The following ROR1 variants were observed in gnomAD, a reference collection of about 807,000 sequenced individuals.
ROR1 encodes the protein inactive tyrosine-protein kinase transmembrane receptor ROR1.
Under a neutral mutation model 78.8 loss-of-function variants are expected in ROR1, and 19 were observed. That is an observed-to-expected ratio of 0.24 (90% CI 0.17 to 0.35). The LOEUF (loss-of-function observed/expected upper bound fraction) is 0.35, where lower values mean the gene tolerates loss of function less well. Among genes scored for constraint, ROR1 ranks in the 10% least tolerant of loss-of-function variants. The pLI, the probability that ROR1 is intolerant of heterozygous loss-of-function variation, is 1.00. For synonymous variants in ROR1, 386 were observed against 433.6 expected (o/e 0.89, Z 1.36); for missense variants, 917 against 1,177.8 (o/e 0.78, Z 3.24).
chr1:64,049,994 C>G lies in ROR1; in HGVS notation c.451+16C>G, dbSNP rs763724929. On this transcript the variant is annotated intron_variant, in intron 3 of 8. Transcript: ENST00000371079. ...GTCAAGTTTGGTAAGCAGACCCCTA[C>G]TGGGGATGGACTTTGGCCCTCAGCC... 2 of 1,613,280 alleles carry G rather than the reference C, an allele frequency of 1.2e-6. No homozygotes were observed. Among genetic ancestry groups the G allele is most frequent in the Non-Finnish European group, 1.7e-6 (2 of 1,179,642 alleles).
intron 4 of ROR1, among the ~76,000 whole-genome samples, chr1:64,129,116 G>A (rs1393980155): frequency 6.6e-6 from 1 of 152,134 alleles, no homozygotes; most frequent in Non-Finnish European, 1.5e-5. Context: ...TTTTTACGGA[G>A]GCCAGTAGTC....
chr1:63,815,421 C>T (rs1362727479), intron 1 of ROR1, among the ~76,000 whole-genome samples: 1 of 149,468 alleles, frequency 6.7e-6, no homozygotes, highest in Non-Finnish European at 1.5e-5. Context: ...GGAAAGAATG[C>T]CTGCCCTTAT....
At chr1:63,924,706 G>A (rs951526664) in intron 1 of ROR1, among the ~76,000 whole-genome samples, 2 of 152,138 alleles carry the variant, frequency 1.3e-5, no homozygotes, top group Admixed American at 6.5e-5. Flanking sequence ...AGTGAAGACT[G>A]GCACTGAGTG....
chr1:64,115,932 T>C (rs1405163154), intron 4 of ROR1, among the ~76,000 whole-genome samples: 4 of 152,200 alleles, frequency 2.6e-5, no homozygotes, highest in Admixed American at 6.5e-5. Context: ...TGCCAATAAA[T>C]GGTCAACATG....
At chr1:64,168,398 G>A (rs1650145599) in intron 8 of ROR1, among the ~76,000 whole-genome samples, 1 of 152,186 alleles carries the variant, frequency 6.6e-6, no homozygotes, top group South Asian at 2.1e-4. Flanking sequence ...GGATCTCAGT[G>A]TCTGGCACAT....
intron 1 of ROR1, among the ~76,000 whole-genome samples, chr1:63,971,691 T>C (rs1646120762): frequency 6.6e-6 from 1 of 152,178 alleles, no homozygotes; most frequent in African/African-American, 2.4e-5. Context: ...AGCCCTTCAT[T>C]GTCTACAATC....
Position 64,178,538 on chromosome 1 carries a change from G to T in ROR1, c.2497G>T (p.Ala833Ser), listed in dbSNP as rs145004562. 13 of 1,614,042 alleles carry T rather than the reference G, an allele frequency of 8.1e-6. No homozygotes were observed. In the African/African-American group the frequency reaches 1.7e-4, roughly 22 times the overall value. ...PIPPGYAAFP[A>S]AHYQPTGPPR... ...ACCTCCTGGATATGCAGCGTTTCCA[G>T]CTGCCCACTACCAGCCAACAGGTCC... The change falls in exon 9 of 9, where the codon GCT (alanine) becomes TCT (serine). Residue 833 changes from alanine (A) to serine (S), a missense_variant. Coordinates refer to ENST00000371079, the MANE Select transcript of ROR1 (RefSeq NM_005012.4). The surrounding 1 kb of genome is among the most constrained non-coding windows in gnomAD (Gnocchi z 4.3).
chr1:63,785,938 G>A (rs1644682265), intron 1 of ROR1, among the ~76,000 whole-genome samples: 1 of 152,212 alleles, frequency 6.6e-6, no homozygotes, highest in South Asian at 2.1e-4. Flanking sequence ...CTAAGTCAAA[G>A]CATTGAAAAC....
intron 1 of ROR1, among the ~76,000 whole-genome samples, chr1:63,894,937 G>A (rs2100394337): frequency 6.6e-6 from 1 of 152,242 alleles, no homozygotes; most frequent in East Asian, 1.9e-4. Context: ...CAGAGGTGTG[G>A]GAAATCCTAC....
chr1:64,085,896 T>C (rs921508613), intron 4 of ROR1, among the ~76,000 whole-genome samples: 4 of 152,212 alleles, frequency 2.6e-5, no homozygotes, highest in African/African-American at 9.7e-5. Context: ...TGTCGATTTC[T>C]GAATGTGGCA....
chr1:63,815,345 A>C (rs1406147031), intron 1 of ROR1, among the ~76,000 whole-genome samples: 1 of 151,976 alleles, frequency 6.6e-6, no homozygotes, highest in Non-Finnish European at 1.5e-5. Context: ...TGGATAAGCA[A>C]TTCTGTTGTT....
chr1:64,090,918 T>C (rs1310900459), intron 4 of ROR1, among the ~76,000 whole-genome samples: 1 of 152,206 alleles, frequency 6.6e-6, no homozygotes, highest in African/African-American at 2.4e-5. Context: ...CATGGGCCTA[T>C]TGTCATCATG....
intron 4 of ROR1, among the ~76,000 whole-genome samples, chr1:64,133,884 A>G (rs1466516538): frequency 6.6e-6 from 1 of 152,220 alleles, no homozygotes; most frequent in East Asian, 1.9e-4. Flanking sequence ...AAGCTGATTA[A>G]TGCTGGAGGA....
chr1:64,177,336 C>A, intron 8 of ROR1, 92 bp from the exon 9 acceptor site: 2 of 939,250 alleles, frequency 2.1e-6, no homozygotes, highest in Non-Finnish European at 3.3e-6. Context: ...TTTATAGAAC[C>A]TTTTTCTATA....
At chr1:63,888,128 T>TA (rs1645369781) in intron 1 of ROR1, among the ~76,000 whole-genome samples, 4 of 152,308 alleles carry the variant, frequency 2.6e-5, no homozygotes, top group Admixed American at 2.6e-4. Context: ...ATTATTATTT[T>TA]AAAAGCAGTA....
chr1:63,950,236 AG>A (rs1423777603), intron 1 of ROR1, among the ~76,000 whole-genome samples: 6 of 152,214 alleles, frequency 3.9e-5, no homozygotes, highest in Non-Finnish European at 8.8e-5. Context: ...AAGGAATAAA[AG>A]AATGACCACT....
At chr1:64,063,636 C>T (rs1646934202) in intron 4 of ROR1, among the ~76,000 whole-genome samples, 1 of 152,114 alleles carries the variant, frequency 6.6e-6, no homozygotes, top group Non-Finnish European at 1.5e-5. Context: ...CTGTCTCTCT[C>T]TCTCTCTCCC....
At chr1:64,039,118 G>A (rs1646725776) in intron 2 of ROR1, among the ~76,000 whole-genome samples, 1 of 152,198 alleles carries the variant, frequency 6.6e-6, no homozygotes. Context: ...CTGCTAACAG[G>A]AGACCTTGAG....
At chr1:63,997,832 T>G (rs912028275) in intron 1 of ROR1, among the ~76,000 whole-genome samples, 11 of 69,042 alleles carry the variant, frequency 1.6e-4, no homozygotes, top group African/African-American at 3.0e-4. Context: ...ATGATTAGTG[T>G]TTTTTTTTTT....
Sources: gnomAD v4.1 joint callset for allele counts (sites outside exome capture counted in the v4.1 genomes callset) on GRCh38, gnomAD v4.1.1 for gene constraint, Gnocchi (gnomAD v3.1) non-coding constraint, MANE v1.5 for transcripts, NCBI Gene and HGNC (gene_info 2026-07-23, HGNC 2026-07-21) for gene names.